The following DUSP16 variants were observed in gnomAD, a reference collection of about 807,000 sequenced individuals.
The protein encoded by DUSP16 is dual specificity protein phosphatase 16.
DUSP16 carries 21 observed loss-of-function variants against 58.3 expected under a neutral mutation model. The observed-to-expected ratio is 0.36, with a 90% CI of 0.26 to 0.52. DUSP16 has a LOEUF of 0.52. Among genes scored for constraint, DUSP16 ranks in the 20% least tolerant of loss-of-function variants. The pLI is 0.94. For synonymous variants in DUSP16, 320 were observed against 323.8 expected (o/e 0.99, Z 0.12); for missense variants, 726 against 819.0 (o/e 0.89, Z 1.39).
chr12:12,500,109 T>G (rs901119858), intron 4 of DUSP16, among the ~76,000 whole-genome samples: 1 of 152,108 alleles, frequency 6.6e-6, no homozygotes, highest in African/African-American at 2.4e-5. Flanking sequence ...AGGACCTTCC[T>G]CAATCCAAGC....
intron 1 of DUSP16, among the ~76,000 whole-genome samples, chr12:12,535,217 T>C (rs1944447924): frequency 6.6e-6 from 1 of 152,184 alleles, no homozygotes; most frequent in Non-Finnish European, 1.5e-5. Context: ...TTAGTTCTCC[T>C]TACCTCAGCT....
At chr12:12,545,395 T>C (rs749030180) in intron 1 of DUSP16, among the ~76,000 whole-genome samples, 5 of 151,670 alleles carry the variant, frequency 3.3e-5, no homozygotes, top group Non-Finnish European at 7.4e-5. Flanking sequence ...GCCTCCTGAG[T>C]AGCTGGGGCT....
At chr12:12,560,648 A>G (rs972732711) in intron 1 of DUSP16, 1 of 152,224 alleles carries the variant, frequency 6.6e-6, no homozygotes, top group African/African-American at 2.4e-5. Context: ...GCCTTCACCA[A>G]ATAGACTCCA....
intron 1 of DUSP16, among the ~76,000 whole-genome samples, chr12:12,530,991 CTAAAA>C (rs1388831189): frequency 3.3e-5 from 5 of 152,090 alleles, no homozygotes; most frequent in Non-Finnish European, 7.4e-5. Context: ...GTTGATAACA[CTAAAA>C]TAAGTTTATA....
intron 1 of DUSP16, among the ~76,000 whole-genome samples, chr12:12,523,122 TAA>T (rs905735871): frequency 1.3e-5 from 2 of 152,220 alleles, no homozygotes; most frequent in African/African-American, 4.8e-5. Context: ...GAGCATGATA[TAA>T]AGAGATGTAG....
intron 1 of DUSP16, among the ~76,000 whole-genome samples, chr12:12,550,102 G>C (rs967202027): frequency 6.6e-6 from 1 of 152,030 alleles, no homozygotes; most frequent in South Asian, 2.1e-4. Flanking sequence ...GTGAAACCCT[G>C]TCTCTACTAA....
In DUSP16 at chr12:12,476,807, T is replaced by G; in HGVS notation, c.*26A>C. The G allele has an allele frequency of 6.5e-7, 1 of 1,540,348 alleles. No individual in the cohort carries two copies. Among genetic ancestry groups the G allele is most frequent in the Non-Finnish European group, 8.7e-7 (1 of 1,151,922 alleles). On this transcript the variant is annotated 3_prime_UTR_variant, in exon 7 of 7. Transcript: ENST00000298573. Reference sequence around the variant, plus strand: ...TTGTGAACAAGAAAAAAAAATTGTCTATAGAAGTCACAAGTGTCTTTCTTC... The same window carrying G: ...TTGTGAACAAGAAAAAAAAATTGTCGATAGAAGTCACAAGTGTCTTTCTTC...
chr12:12,536,648 G>A (rs1944467598), intron 1 of DUSP16, among the ~76,000 whole-genome samples: 1 of 152,084 alleles, frequency 6.6e-6, no homozygotes, highest in Non-Finnish European at 1.5e-5. Flanking sequence ...AGGAAGCTGA[G>A]GCAAGAGAAT....
chr12:12,557,573 TATTCAA>T (rs1326449361), intron 1 of DUSP16, among the ~76,000 whole-genome samples: 1 of 152,116 alleles, frequency 6.6e-6, no homozygotes, highest in Non-Finnish European at 1.5e-5. Flanking sequence ...TGTAGATTTT[TATTCAA>T]ATTCATTTGG....
intron 1 of DUSP16, among the ~76,000 whole-genome samples, chr12:12,535,819 A>G (rs1944454639): frequency 1.3e-5 from 2 of 152,346 alleles, no homozygotes; most frequent in Non-Finnish European, 1.5e-5. Context: ...CAGCAGAGAG[A>G]AGAGAGGAAG....
At chr12:12,503,224 CTTTT>C (rs34349090) in intron 3 of DUSP16, among the ~76,000 whole-genome samples, 1 of 115,426 alleles carries the variant, frequency 8.7e-6, no homozygotes, top group Non-Finnish European at 1.8e-5. Context: ...CTGGTTATTG[CTTTT>C]TTTTTTTTTT....
Position 12,502,619 on chromosome 12 carries a change from T to TCAG in DUSP16, c.368-1940_368-1938dup, listed in dbSNP as rs201915922. Among the ~76,000 whole-genome samples the TCAG allele has an allele frequency of 5.2e-3, 782 of 150,342 alleles. 7 individuals carry two copies. The highest frequency in any genetic ancestry group is 0.017 in the African/African-American group (713 of 40,916). ...CAGGCTAGAGTGCGATGGCATGATC[T>TCAG]CAGCTCACTGCAATCTCCGCCTCCC... On this transcript the variant is annotated intron_variant, in intron 3 of 6. Coordinates refer to ENST00000298573, the MANE Select transcript of DUSP16 (RefSeq NM_030640.3).
chr12:12,479,495 G>A (rs576214638), intron 6 of DUSP16, among the ~76,000 whole-genome samples: 80 of 152,234 alleles, frequency 5.3e-4, no homozygotes, highest in Middle Eastern at 3.4e-3. Context: ...GAGGACCCAC[G>A]TCCTCCAGGC....
chr12:12,517,200 G>T (rs1944166614), intron 3 of DUSP16, among the ~76,000 whole-genome samples: 1 of 152,188 alleles, frequency 6.6e-6, no homozygotes, highest in Non-Finnish European at 1.5e-5. Flanking sequence ...TCACATATCT[G>T]ATGCTTTCTT....
At position 12,475,572 on chromosome 12, in the gene DUSP16, T is replaced by C. The variant is rs1397649988; in HGVS notation, c.*1261A>G. 6.6e-6 allele frequency: 1 copy of C among 152,218 alleles called. No homozygotes were observed. The highest frequency in any genetic ancestry group is 2.4e-5 in the African/African-American group (1 of 41,454). 9.4% of individuals were successfully genotyped at this position (152,218 alleles called of 1,614,324 possible). On this transcript the variant is annotated 3_prime_UTR_variant, in exon 7 of 7. Coordinates refer to ENST00000298573, the MANE Select transcript of DUSP16 (RefSeq NM_030640.3). ...TTTCTCAACCGTTTTATTCTGAATATTCCTTCCTCACTAAAGCCTCTCTCA... is the reference window on the plus strand; with the variant it reads ...TTTCTCAACCGTTTTATTCTGAATACTCCTTCCTCACTAAAGCCTCTCTCA...
intron 1 of DUSP16, among the ~76,000 whole-genome samples, chr12:12,533,129 C>A (rs1944415585): frequency 6.6e-6 from 1 of 152,078 alleles, no homozygotes. Context: ...TGAAGCTAGA[C>A]TTTAAAAATA....
chr12:12,484,533 TAG>T (rs1943640088), intron 5 of DUSP16, among the ~76,000 whole-genome samples: 1 of 152,226 alleles, frequency 6.6e-6, no homozygotes, highest in Non-Finnish European at 1.5e-5. Flanking sequence ...CTCTTCTAGG[TAG>T]ATTTTGATAT....
intron 1 of DUSP16, among the ~76,000 whole-genome samples, chr12:12,559,316 C>A (rs1332467251): frequency 1.3e-5 from 2 of 152,222 alleles, no homozygotes; most frequent in Non-Finnish European, 2.9e-5. Flanking sequence ...GCCAATCAAG[C>A]ACCAACTATG....
intron 3 of DUSP16, among the ~76,000 whole-genome samples, chr12:12,512,566 C>A (rs1255595602): frequency 6.6e-6 from 1 of 152,132 alleles, no homozygotes; most frequent in Non-Finnish European, 1.5e-5. Context: ...TGATACCATG[C>A]AGTATTTGTC....
Sources: allele counts gnomAD v4.1 joint callset (sites outside exome capture counted in the v4.1 genomes callset), GRCh38; gene constraint gnomAD v4.1.1; transcripts MANE v1.5; gene names NCBI Gene and HGNC (gene_info 2026-07-23, HGNC 2026-07-21).